The following FCRL1 variants were observed in gnomAD, a reference collection of about 807,000 sequenced individuals.
The protein encoded by FCRL1 is Fc receptor-like protein 1.
A neutral mutation model predicts 49.2 loss-of-function variants in FCRL1; 34 were observed. The observed-to-expected ratio is 0.69, with a 90% confidence interval of 0.53 to 0.92. The LOEUF (loss-of-function observed/expected upper bound fraction) is 0.92, where lower values mean the gene tolerates loss of function less well. Ranked by LOEUF, FCRL1 falls within the 40% of genes least tolerant of loss-of-function variation. FCRL1 has a pLI of 0.00. For missense variants in FCRL1, 524 were observed against 524.1 expected, an observed-to-expected ratio of 1.00 and a Z score of 0.00; for synonymous variants, 218 against 201.6, an observed-to-expected ratio of 1.08 and a Z score of -0.69.
intron 2 of FCRL1, among the ~76,000 whole-genome samples, chr1:157,806,430 C>G (rs888796982): frequency 6.6e-6 from 1 of 152,178 alleles, no homozygotes; most frequent in African/African-American, 2.4e-5. Context: ...TGAGCTTGAT[C>G]TAGTGAAGAG....
At chr1:157,804,861 T>G (rs1653153134) in intron 2 of FCRL1, among the ~76,000 whole-genome samples, 1 of 148,304 alleles carries the variant, frequency 6.7e-6, no homozygotes, top group Non-Finnish European at 1.5e-5. Context: ...CTTTTTCTTT[T>G]TTTTTTTTTC....
rs563224069 is a variant in FCRL1, at chr1:157,804,634, G to A, written c.53-523C>T. Among the ~76,000 whole-genome samples the A allele has an allele frequency of 2.3e-4, 35 of 152,198 alleles. 1 individual carries two copies. The South Asian group carries it at 5.4e-3, about 23-fold the overall frequency. Reference sequence around the variant, plus strand: ...CAGGGTCGATCTGTCCAGGAAAGACGTAGAAGAACCCAATCCCCTCATTGC... The same window carrying A: ...CAGGGTCGATCTGTCCAGGAAAGACATAGAAGAACCCAATCCCCTCATTGC... On this transcript the variant is annotated intron_variant, in intron 2 of 10. Coordinates refer to ENST00000368176, the MANE Select transcript of FCRL1 (RefSeq NM_052938.5).
At chr1:157,818,721 A>C (rs1344325514) in intron 1 of FCRL1, among the ~76,000 whole-genome samples, 1 of 152,180 alleles carries the variant, frequency 6.6e-6, no homozygotes, top group Non-Finnish European at 1.5e-5. Flanking sequence ...TGATGAAAAC[A>C]TTCTGAAATT....
chr1:157,804,508 A>C (rs1653083417), intron 2 of FCRL1, among the ~76,000 whole-genome samples: 1 of 152,122 alleles, frequency 6.6e-6, no homozygotes, highest in African/African-American at 2.4e-5. Flanking sequence ...TGCTTCTTTT[A>C]TCCTTCTAAG....
At chr1:157,804,556 C>A (rs139189882) in intron 2 of FCRL1, among the ~76,000 whole-genome samples, 13 of 152,286 alleles carry the variant, frequency 8.5e-5, no homozygotes, top group African/African-American at 3.1e-4. Flanking sequence ...TTTCCCCTGG[C>A]ATCTCAGAAC....
intron 1 of FCRL1, among the ~76,000 whole-genome samples, chr1:157,813,078 CCATCGG>C (rs1417746978): frequency 1.3e-5 from 2 of 152,154 alleles, no homozygotes; most frequent in African/African-American, 4.8e-5. Flanking sequence ...AACTAAGGAT[CCATCGG>C]CACCCTAGGA....
intron 7 of FCRL1, among the ~76,000 whole-genome samples, chr1:157,799,691 A>C (rs1004468049): frequency 6.6e-6 from 1 of 152,138 alleles, no homozygotes; most frequent in African/African-American, 2.4e-5. Flanking sequence ...ACCTAATGCT[A>C]AATGACGAGT....
rs771581866 is a variant in FCRL1 at position 157,797,050 on chromosome 1, G to A, written c.1218+51C>T. 4.4e-6 allele frequency: 7 copies of A among 1,582,094 alleles called. No individual in the cohort carries two copies. In the Admixed American group the frequency reaches 8.4e-5, roughly 19 times the overall value. On this transcript the variant is annotated intron_variant, in intron 10 of 10. Coordinates refer to ENST00000368176, the MANE Select transcript of FCRL1 (RefSeq NM_052938.5). ...TATAATTTAAGAAGTTTGAGAACCA[G>A]TCCCCAGAGGAAAGAAAGAACATGG... is the stretch of plus-strand genomic sequence containing the variant.
At chr1:157,801,809 C>G in intron 5 of FCRL1, 106 bp downstream of exon 5, 1 of 1,375,324 alleles carries the variant, frequency 7.3e-7, no homozygotes, top group Non-Finnish European at 1.0e-6. Flanking sequence ...CACAGAGGCC[C>G]CACCATGGGT....
chr1:157,797,075 GAAGA>G (rs1397453449), intron 10 of FCRL1, 22 bp downstream of exon 10: 3 of 1,611,880 alleles, frequency 1.9e-6, no homozygotes, highest in Non-Finnish European at 2.5e-6. Flanking sequence ...AAAGAACATG[GAAGA>G]AAGAACAATA....
At chr1:157,809,299 T>C (rs1405479175) in intron 1 of FCRL1, among the ~76,000 whole-genome samples, 1 of 152,118 alleles carries the variant, frequency 6.6e-6, no homozygotes, top group African/African-American at 2.4e-5. Flanking sequence ...CTTATGACTG[T>C]AATCCCAACA....
chr1:157,804,997 C>A (rs2101857485), intron 2 of FCRL1, among the ~76,000 whole-genome samples: 1 of 152,146 alleles, frequency 6.6e-6, no homozygotes, highest in Middle Eastern at 3.4e-3. Context: ...GTAGCTGGGA[C>A]TACAGGCACA....
At position 157,802,199 on chromosome 1, in the gene FCRL1, GGAGACAGTAGACTGTAA is replaced by G. The variant is rs1557900102; in HGVS notation, c.608-23_608-7del. The stretch of plus-strand genomic sequence containing the variant: ...GATTGGGCGAGACACCGGGACTGAG[GGAGACAGTAGACTGTAA>G]GAGACAGTCTCTGACAATGCAGCAA... On this transcript the variant is annotated splice_region_variant and splice_polypyrimidine_tract_variant and intron_variant, in intron 4 of 10. Coordinates refer to ENST00000368176, the MANE Select transcript of FCRL1 (RefSeq NM_052938.5). 2.5e-6 allele frequency: 4 copies of G among 1,610,872 alleles called. No individual in the cohort carries two copies. The highest frequency in any genetic ancestry group is 3.4e-6 in the Non-Finnish European group (4 of 1,178,460).
At position 157,807,092 on chromosome 1, in the gene FCRL1, T is replaced by C. The variant is rs376740723; in HGVS notation, c.52+10A>G. 2.5e-5 allele frequency: 41 copies of C among 1,613,604 alleles called. No individual in the cohort carries two copies. Among genetic ancestry groups the C allele is most frequent in the Non-Finnish European group, 3.5e-5 (41 of 1,179,820 alleles). ...ACAGACCTTGAAGAAGAAAAGGAAG[T>C]GCAACTCACCGGCAGGTTCACAGAG... On this transcript the variant is annotated intron_variant, in intron 2 of 10. Coordinates refer to ENST00000368176, the MANE Select transcript of FCRL1 (RefSeq NM_052938.5).
intron 1 of FCRL1, among the ~76,000 whole-genome samples, chr1:157,817,997 C>A (rs1163167101): frequency 6.6e-6 from 1 of 151,806 alleles, no homozygotes; most frequent in Non-Finnish European, 1.5e-5. Context: ...TCAAAAAGAC[C>A]AAAGATAACT....
chr1:157,810,300 CTT>C (rs546970268), intron 1 of FCRL1, among the ~76,000 whole-genome samples: 64,579 of 146,024 alleles, frequency 0.44, 14,318 homozygotes, highest in African/African-American at 0.53. Flanking sequence ...TTTCTTTTTT[CTT>C]TTTTTTTTTT....
At chr1:157,808,780 T>C (rs946918971) in intron 1 of FCRL1, among the ~76,000 whole-genome samples, 15 of 152,228 alleles carry the variant, frequency 9.9e-5, no homozygotes, top group African/African-American at 3.1e-4. Context: ...TAGACAGTGC[T>C]GGTGATATGA....
rs1385418330 is a variant in FCRL1 at position 157,795,254 on chromosome 1, C to A, written c.*845G>T. On this transcript the variant is annotated 3_prime_UTR_variant, in exon 11 of 11. Transcript: ENST00000368176. Reference sequence around the variant, plus strand: ...CCTGTAGTCCCAGCTACTCAGCAGGCTGAGGTGAGAGGTTTGCTTGAGCCT... The same window carrying A: ...CCTGTAGTCCCAGCTACTCAGCAGGATGAGGTGAGAGGTTTGCTTGAGCCT... 2 of 152,150 alleles carry A rather than the reference C, an allele frequency of 1.3e-5. No individual in the cohort carries two copies. The highest frequency in any genetic ancestry group is 3.9e-4 in the East Asian group (2 of 5,176). The allele number at this position is 152,150 out of a possible 1,614,324, so 9.4% of individuals were successfully genotyped here. A position where few individuals can be genotyped will look rare whatever the true frequency, so the allele number is the denominator to read the frequency against.
intron 1 of FCRL1, among the ~76,000 whole-genome samples, chr1:157,809,909 G>A (rs1353808490): frequency 2.6e-5 from 4 of 152,126 alleles, no homozygotes; most frequent in African/African-American, 4.8e-5. Flanking sequence ...GGGCAACAGA[G>A]TAAGACCCTG....
Sources: gnomAD v4.1 joint callset for allele counts (sites outside exome capture counted in the v4.1 genomes callset) on GRCh38, gnomAD v4.1.1 for gene constraint, MANE v1.5 for transcripts, NCBI Gene and HGNC (gene_info 2026-07-23, HGNC 2026-07-21) for gene names.